The following FARSB variants were observed in gnomAD, a reference collection of about 807,000 sequenced individuals.
FARSB encodes the protein phenylalanyl-tRNA synthetase subunit beta, also known as phenylalanine--tRNA ligase beta subunit.
Under a neutral mutation model 69.6 loss-of-function variants are expected in FARSB, and 40 were observed. The ratio of observed to expected loss-of-function variants is 0.57; its 90% CI spans 0.45 to 0.75. The LOEUF (loss-of-function observed/expected upper bound fraction) is 0.75, where lower values mean the gene tolerates loss of function less well. Among genes scored for constraint, FARSB ranks in the 30% least tolerant of loss-of-function variants. The pLI is 0.00. For synonymous variants in FARSB, 235 were observed against 247.2 expected, an observed-to-expected ratio of 0.95 and a Z score of 0.46; for missense variants, 632 against 722.9, an observed-to-expected ratio of 0.87 and a Z score of 1.44.
At chr2:222,634,262 C>G (rs1173673822) in intron 6 of FARSB, 129 bp downstream of exon 6, 10 of 563,326 alleles carry the variant, frequency 1.8e-5, no homozygotes, top group Non-Finnish European at 3.1e-5. Context: ...GAATCACTGT[C>G]TCTAGGTTGG....
In FARSB at chr2:222,623,710, A is replaced by G; in HGVS notation, c.1191T>C (p.Thr397=). ...CTGCCATGTCATGTCGGAGAAGTTC[A>G]GTGAGCTTATTAAGAGGAAACTGAA... is the stretch of plus-strand genomic sequence containing the variant. The part of the protein sequence containing the change: ...IANQFPLNKL[T]ELLRHDMAAA... The change falls in exon 13 of 17, where the codon ACT becomes ACC. Residue 397 remains threonine (T), a synonymous_variant. Transcript: ENST00000281828. The G allele has an allele frequency of 6.2e-7, 1 of 1,610,264 alleles. No homozygotes were observed. The highest frequency in any genetic ancestry group is 8.5e-7 in the Non-Finnish European group (1 of 1,176,644).
In FARSB at chr2:222,630,357, T is replaced by C. The variant is rs1691387986; in HGVS notation, c.787-183A>G. On this transcript the variant is annotated intron_variant, in intron 8 of 16. Transcript: ENST00000281828. ...TAGCCTTATCTTCAGGTGTTCTGCA[T>C]TTACGCAGTTCTCTGACAGTTATAA... Among the ~76,000 whole-genome samples, 2 of 152,234 alleles carry C rather than the reference T, an allele frequency of 1.3e-5. 1 individual carries two copies. The highest frequency in any genetic ancestry group is 4.8e-5 in the African/African-American group (2 of 41,452).
chr2:222,647,551 T>C (rs1574955404), intron 2 of FARSB, among the ~76,000 whole-genome samples: 1 of 152,186 alleles, frequency 6.6e-6, no homozygotes. Flanking sequence ...TTAGAACTTA[T>C]TAGCTGGGCT....
intron 1 of FARSB, among the ~76,000 whole-genome samples, chr2:222,651,093 A>C (rs1692025590): frequency 1.3e-5 from 2 of 152,208 alleles, no homozygotes; most frequent in African/African-American, 4.8e-5. Flanking sequence ...TCAAGAAAGA[A>C]GCCTCATAGT....
chr2:222,619,319 TAAAA>T (rs35884135), intron 14 of FARSB, among the ~76,000 whole-genome samples: 1 of 124,030 alleles, frequency 8.1e-6, no homozygotes, highest in Non-Finnish European at 1.7e-5. Context: ...AAATAAAAAT[TAAAA>T]AAAAAAAAAA....
In FARSB at chr2:222,623,733, GAA is replaced by G; in HGVS notation, c.1171-5_1171-4del. ...TCAGTGAGCTTATTAAGAGGAAACT[GAA>G]AAAAAAAGCATCCACTTGATTTCAC... On this transcript the variant is annotated splice_polypyrimidine_tract_variant and splice_region_variant and intron_variant, in intron 12 of 16. Coordinates refer to ENST00000281828, the MANE Select transcript of FARSB (RefSeq NM_005687.5). The G allele has an allele frequency of 6.4e-7, 1 of 1,557,412 alleles. No individual in the cohort carries two copies. Among genetic ancestry groups the G allele is most frequent in the Admixed American group, 1.8e-5 (1 of 54,548 alleles).
At chr2:222,623,531 C>T in intron 13 of FARSB, 119 bp downstream of exon 13, 1 of 734,736 alleles carries the variant, frequency 1.4e-6, no homozygotes, top group South Asian at 1.5e-5. Flanking sequence ...GTTATTCTTC[C>T]AGAATCTGGA....
intron 16 of FARSB, among the ~76,000 whole-genome samples, chr2:222,578,590 A>C (rs1202390911): frequency 6.6e-6 from 1 of 152,230 alleles, no homozygotes. Context: ...CTGTAATCCC[A>C]GCACTTTGGG....
intron 16 of FARSB, among the ~76,000 whole-genome samples, chr2:222,580,044 A>G (rs1689928077): frequency 6.6e-6 from 1 of 152,164 alleles, no homozygotes. Context: ...GGACTCTATC[A>G]CAGTTGATTA....
rs1690666315 is a variant in FARSB at position 222,605,120 on chromosome 2, A to C, written c.1463-5037T>G. Among the ~76,000 whole-genome samples, 4 of 150,356 alleles carry C rather than the reference A, an allele frequency of 2.7e-5. No homozygotes were observed. In the South Asian group the frequency reaches 8.4e-4, roughly 31 times the overall value. ...CTCACTAAACCAACCATATTCATAA[A>C]CTAAATTGAAGAGCCTGATTCCACT... On this transcript the variant is annotated intron_variant, in intron 15 of 16. Transcript: ENST00000281828.
intron 16 of FARSB, among the ~76,000 whole-genome samples, chr2:222,579,939 C>T (rs1366808691): frequency 1.3e-5 from 2 of 152,108 alleles, no homozygotes; most frequent in Non-Finnish European, 2.9e-5. Context: ...ATCGTCATTG[C>T]CATTTTACAG....
chr2:222,655,996 C>G lies in FARSB; in HGVS notation c.58+20G>C, dbSNP rs368803454. 62 of 1,575,094 alleles carry G rather than the reference C, an allele frequency of 3.9e-5. No homozygotes were observed. The highest frequency in any genetic ancestry group is 5.0e-5 in the Non-Finnish European group (58 of 1,154,030). ...CTCCGAGAAGAGGCGTAGGGCCCAACGTATAGGGCCGCCACTCACTGTAGG... is the reference window on the plus strand; with the variant it reads ...CTCCGAGAAGAGGCGTAGGGCCCAAGGTATAGGGCCGCCACTCACTGTAGG... On this transcript the variant is annotated intron_variant, in intron 1 of 16. Coordinates refer to ENST00000281828, the MANE Select transcript of FARSB (RefSeq NM_005687.5).
At chr2:222,583,693 A>G (rs1274107553) in intron 16 of FARSB, among the ~76,000 whole-genome samples, 1 of 152,052 alleles carries the variant, frequency 6.6e-6, no homozygotes, top group Middle Eastern at 3.2e-3. Flanking sequence ...CCCAAATCTC[A>G]TCTTGAAATG....
At chr2:222,611,447 G>GT (rs1559202011) in intron 15 of FARSB, among the ~76,000 whole-genome samples, 3 of 134,510 alleles carry the variant, frequency 2.2e-5, no homozygotes, top group African/African-American at 5.4e-5. Context: ...TTTTGGGGGG[G>GT]CGGGGGGGCG....
intron 3 of FARSB, among the ~76,000 whole-genome samples, chr2:222,641,766 C>T (rs1051510494): frequency 2.0e-5 from 3 of 152,128 alleles, no homozygotes; most frequent in African/African-American, 7.2e-5. Flanking sequence ...CTGATTGTCC[C>T]ATAGGAAACC....
chr2:222,619,561 G>A lies in FARSB; in HGVS notation c.1344+84C>T, dbSNP rs1356000966. On this transcript the variant is annotated intron_variant, in intron 14 of 16. Transcript: ENST00000281828. ...AAAGCTCTAAGATTTCACCATCTCA[G>A]GTATAATAACTGAAGAGACTTTTCC... 4 of 694,282 alleles carry A rather than the reference G, an allele frequency of 5.8e-6. No individual in the cohort carries two copies. In the East Asian group the frequency reaches 8.0e-5, roughly 14 times the overall value. 43.0% of individuals were successfully genotyped at this position (694,282 alleles called of 1,614,324 possible). A position where few individuals can be genotyped will look rare whatever the true frequency, so the allele number is the denominator to read the frequency against.
intron 10 of FARSB, among the ~76,000 whole-genome samples, chr2:222,628,535 ATGT>A (rs1446450837): frequency 6.6e-6 from 1 of 152,238 alleles, no homozygotes; most frequent in Non-Finnish European, 1.5e-5. Flanking sequence ...TTGTTGTATA[ATGT>A]TGTGTTTACA....
chr2:222,652,274 G>A (rs1692057453), intron 1 of FARSB, among the ~76,000 whole-genome samples: 1 of 152,184 alleles, frequency 6.6e-6, no homozygotes, highest in Non-Finnish European at 1.5e-5. Context: ...GGCCTTGGGA[G>A]GGGGTGAGTA....
chr2:222,597,020 G>C (rs1267903984), intron 16 of FARSB, among the ~76,000 whole-genome samples: 2 of 152,110 alleles, frequency 1.3e-5, no homozygotes. Context: ...CCAATTCTCT[G>C]TGGCTTGATG....
Sources: allele counts gnomAD v4.1 joint callset (sites outside exome capture counted in the v4.1 genomes callset), GRCh38; gene constraint gnomAD v4.1.1; transcripts MANE v1.5; gene names NCBI Gene and HGNC (gene_info 2026-07-23, HGNC 2026-07-21).